Variants in RBFOX1 observed in about 807,000 individuals in gnomAD.
The protein encoded by RBFOX1 is RNA binding protein fox-1 homolog 1.
Under a neutral mutation model 57.7 loss-of-function variants are expected in RBFOX1, and 8 were observed. That is an observed-to-expected ratio of 0.14 (90% confidence interval 0.08 to 0.25). RBFOX1 has a LOEUF of 0.25. RBFOX1 is among the 10% of genes least tolerant of loss of function. The pLI is 1.00. For missense variants in RBFOX1, 611 were observed against 548.5 expected, an observed-to-expected ratio of 1.11 and a Z score of -1.14; for synonymous variants, 326 against 222.4, an observed-to-expected ratio of 1.47 and a Z score of -4.15.
chr16:5,722,730 C>T (rs373071800), intron 3 of RBFOX1, among the ~76,000 whole-genome samples: 1 of 152,168 alleles, frequency 6.6e-6, no homozygotes, highest in African/African-American at 2.4e-5. Context: ...TTCATGGATA[C>T]CATTCTATGC....
chr16:7,691,368 TC>T (rs1382950409), intron 14 of RBFOX1, among the ~76,000 whole-genome samples: 1 of 141,382 alleles, frequency 7.1e-6, no homozygotes, highest in East Asian at 2.0e-4. Flanking sequence ...ACATAGGTTT[TC>T]AAAAAAAAAA....
chr16:7,399,893 T>G (rs4787011), intron 4 of RBFOX1, among the ~76,000 whole-genome samples: 4 of 152,162 alleles, frequency 2.6e-5, no homozygotes, highest in African/African-American at 9.7e-5. Flanking sequence ...AAACAGTTCA[T>G]TTTAACTTAG....
At chr16:7,586,640 A>C (rs1008067006) in intron 6 of RBFOX1, among the ~76,000 whole-genome samples, 3 of 152,324 alleles carry the variant, frequency 2.0e-5, no homozygotes, top group African/African-American at 7.2e-5. Context: ...TATTCATGCT[A>C]GTTGTCTAAA....
chr16:5,670,777 A>C (rs1452301896), intron 3 of RBFOX1, among the ~76,000 whole-genome samples: 1 of 152,248 alleles, frequency 6.6e-6, no homozygotes, highest in Non-Finnish European at 1.5e-5. Context: ...CAAACTTGGA[A>C]GTGTATCAAC....
At chr16:7,540,986 C>G (rs1022442599) in intron 5 of RBFOX1, among the ~76,000 whole-genome samples, 1 of 152,150 alleles carries the variant, frequency 6.6e-6, no homozygotes, top group African/African-American at 2.4e-5. Flanking sequence ...AGGTTTAGCT[C>G]TCTCAGAGGT....
At position 7,712,499 on chromosome 16, in the gene RBFOX1, A is replaced by G. The variant is rs2084146316; in HGVS notation, c.*1754A>G. On this transcript the variant is annotated 3_prime_UTR_variant, in exon 16 of 16. Coordinates refer to ENST00000550418, the MANE Select transcript of RBFOX1 (RefSeq NM_018723.4). The stretch of plus-strand genomic sequence containing the variant: ...TCAATAAAGTTTCACAAGATTTGAA[A>G]ACAAAGTTTCTGTAGCTTCGATACC... The G allele has an allele frequency of 6.6e-6, 1 of 152,664 alleles. No homozygotes were observed. Among genetic ancestry groups the G allele is most frequent in the Non-Finnish European group, 1.5e-5 (1 of 68,052 alleles). 9.5% of individuals were successfully genotyped at this position (152,664 alleles called of 1,614,324 possible).
intron 4 of RBFOX1, among the ~76,000 whole-genome samples, chr16:7,461,674 G>T (rs184204959): frequency 8.5e-5 from 13 of 152,262 alleles, no homozygotes; most frequent in African/African-American, 3.1e-4. Context: ...CCATTCACTG[G>T]GTTGAGCAAA....
chr16:7,692,596 C>T (rs146213516), intron 14 of RBFOX1, among the ~76,000 whole-genome samples: 4 of 152,168 alleles, frequency 2.6e-5, no homozygotes, highest in African/African-American at 7.2e-5. Flanking sequence ...TTGACTCAGA[C>T]GATCTTATTT....
intron 4 of RBFOX1, among the ~76,000 whole-genome samples, chr16:7,161,825 G>T (rs772420638): frequency 5.3e-5 from 8 of 152,200 alleles, no homozygotes; most frequent in Non-Finnish European, 1.0e-4. Context: ...TTTCTAGTCA[G>T]TCCTAAAGTG....
intron 3 of RBFOX1, among the ~76,000 whole-genome samples, chr16:6,804,588 A>T (rs1364547501): frequency 1.3e-5 from 2 of 152,174 alleles, no homozygotes; most frequent in Admixed American, 6.5e-5. Flanking sequence ...AGGAAGATTG[A>T]TTGGATTAAT....
chr16:6,145,558 G>C (rs997303192), intron 1 of RBFOX1, among the ~76,000 whole-genome samples: 1 of 152,080 alleles, frequency 6.6e-6, no homozygotes, highest in South Asian at 2.1e-4. Context: ...ACCCAGTAAT[G>C]GGATTGCTGA....
intron 2 of RBFOX1, among the ~76,000 whole-genome samples, chr16:6,421,478 G>T (rs1215226348): frequency 2.6e-5 from 4 of 152,182 alleles, no homozygotes; most frequent in African/African-American, 7.2e-5. Flanking sequence ...GTCGTCAGGG[G>T]AATGCTTCTT....
chr16:6,872,072 C>G (rs559321652), intron 3 of RBFOX1, among the ~76,000 whole-genome samples: 3 of 152,020 alleles, frequency 2.0e-5, no homozygotes, highest in Admixed American at 6.6e-5. Context: ...GTTACATACC[C>G]TTCTTTGTCT....
chr16:6,486,082 C>CTTTTTTTTTT (rs71145234), intron 2 of RBFOX1, among the ~76,000 whole-genome samples: 9 of 62,962 alleles, frequency 1.4e-4, no homozygotes, highest in Admixed American at 2.2e-4. Flanking sequence ...CAGTAAAAGG[C>CTTTTTTTTTT]TTTTTTTTTT....
rs575479355 is a variant in RBFOX1, at chr16:5,893,604, C to T, written c.351+26269C>T. ...GGTGGATCACCTGAGGTCAGGGGTTCGAGACCAACCTGGCCAACGTGGCAA... is the reference window on the plus strand; with the variant it reads ...GGTGGATCACCTGAGGTCAGGGGTTTGAGACCAACCTGGCCAACGTGGCAA... On this transcript the variant is annotated intron_variant, in intron 4 of 19. Coordinates refer to the RBFOX1 transcript ENST00000641259. Among the ~76,000 whole-genome samples, 9 of 152,158 alleles carry T rather than the reference C, an allele frequency of 5.9e-5. No individual in the cohort carries two copies. The South Asian group carries it at 1.2e-3, about 21-fold the overall frequency.
chr16:7,488,479 A>C (rs1396512682), intron 4 of RBFOX1, among the ~76,000 whole-genome samples: 1 of 152,184 alleles, frequency 6.6e-6, no homozygotes, highest in Non-Finnish European at 1.5e-5. Context: ...GTACATTCAT[A>C]CATTCATTAT....
chr16:5,423,498 C>T (rs763577314), intron 1 of RBFOX1, among the ~76,000 whole-genome samples: 4 of 152,272 alleles, frequency 2.6e-5, no homozygotes, highest in South Asian at 4.1e-4. Flanking sequence ...TTTGAGCTTC[C>T]GCCACCACCT....
In RBFOX1 at chr16:6,379,125, C is replaced by T. The variant is rs370046648; in HGVS notation, c.-64+62068C>T. Among the ~76,000 whole-genome samples, 487 of 151,948 alleles carry T rather than the reference C, an allele frequency of 3.2e-3. 4 individuals are homozygous for T. In the Middle Eastern group the frequency reaches 0.041, roughly 13 times the overall value. On this transcript the variant is annotated intron_variant, in intron 2 of 15. Transcript: ENST00000550418. The stretch of plus-strand genomic sequence containing the variant: ...ATTTGAGTGGATGGGGGTGACTTGC[C>T]GAAAATAAAGAATGGTTTGAGAAGA...
chr16:5,802,291 A>G (rs2055084073), intron 3 of RBFOX1, among the ~76,000 whole-genome samples: 1 of 152,106 alleles, frequency 6.6e-6, no homozygotes, highest in Admixed American at 6.5e-5. Context: ...CCCTTTAGAT[A>G]CAAAAGGGGT....
Sources: gnomAD v4.1 joint callset for allele counts (sites outside exome capture counted in the v4.1 genomes callset) on GRCh38, gnomAD v4.1.1 for gene constraint, MANE v1.5 for transcripts, NCBI Gene and HGNC (gene_info 2026-07-23, HGNC 2026-07-21) for gene names.